The following SLC24A2 variants were observed in gnomAD, a reference collection of about 807,000 sequenced individuals.
The protein encoded by SLC24A2 is sodium/potassium/calcium exchanger 2.
Under a neutral mutation model 62.0 loss-of-function variants are expected in SLC24A2, and 36 were observed. The observed-to-expected ratio is 0.58, with a 90% CI of 0.44 to 0.77. The LOEUF is 0.77. Among genes scored for constraint, SLC24A2 ranks in the 30% least tolerant of loss-of-function variants. SLC24A2 has a pLI of 0.00. For missense variants in SLC24A2, 846 were observed against 817.9 expected (o/e 1.03, Z -0.42); for synonymous variants, 358 against 294.0 (o/e 1.22, Z -2.23).
At chr9:20,068,212 A>C in the SLC24A2 span, among the ~76,000 whole-genome samples, 8,014 of 151,708 alleles carry the variant, frequency 0.053, 224 homozygotes, top group African/African-American at 0.08. Context: ...ACAGGCGCCC[A>C]ACACCACGCC....
chr9:20,172,625 T>C, the SLC24A2 span, among the ~76,000 whole-genome samples: 19 of 151,980 alleles, frequency 1.3e-4, no homozygotes, highest in African/African-American at 4.3e-4. Flanking sequence ...TCTGGAAAGA[T>C]ACAACTCTCC....
the SLC24A2 span, among the ~76,000 whole-genome samples, chr9:20,298,753 C>A: frequency 6.6e-6 from 1 of 152,224 alleles, no homozygotes; most frequent in Non-Finnish European, 1.5e-5. Flanking sequence ...GAAGATACAA[C>A]TACTATCTTC....
At chr9:19,745,158 A>AC (rs1301303508) in intron 2 of SLC24A2, among the ~76,000 whole-genome samples, 2 of 151,856 alleles carry the variant, frequency 1.3e-5, no homozygotes, top group African/African-American at 4.8e-5. Flanking sequence ...CACCTGCTCC[A>AC]CCCCTCTTGC....
chr9:19,796,782 GAGA>G, the SLC24A2 span, among the ~76,000 whole-genome samples: 1 of 151,980 alleles, frequency 6.6e-6, no homozygotes, highest in African/African-American at 2.4e-5. Flanking sequence ...TTTTTCTTTT[GAGA>G]AGATCTTTAA....
At chr9:20,234,883 G>A in the SLC24A2 span, among the ~76,000 whole-genome samples, 94 of 152,078 alleles carry the variant, frequency 6.2e-4, no homozygotes, top group Non-Finnish European at 1.2e-3. Flanking sequence ...TTTGATGATG[G>A]TGACGTACAG....
the SLC24A2 span, among the ~76,000 whole-genome samples, chr9:19,965,972 T>C: frequency 6.6e-6 from 1 of 152,178 alleles, no homozygotes. Flanking sequence ...TGGTAATTAT[T>C]TTACATGAAT....
At chr9:19,524,421 A>AG (rs1833342930) in intron 9 of SLC24A2, among the ~76,000 whole-genome samples, 1 of 148,924 alleles carries the variant, frequency 6.7e-6, no homozygotes. Flanking sequence ...ATAAAGGCAA[A>AG]AAAAAAAAAA....
the SLC24A2 span, among the ~76,000 whole-genome samples, chr9:20,113,468 A>T: frequency 6.6e-6 from 1 of 152,198 alleles, no homozygotes; most frequent in African/African-American, 2.4e-5. Flanking sequence ...GATGATTATT[A>T]TGTTCATTAA....
At chr9:20,303,779 A>G in the SLC24A2 span, among the ~76,000 whole-genome samples, 16 of 152,296 alleles carry the variant, frequency 1.1e-4, 1 homozygote, top group South Asian at 2.9e-3. Context: ...GACACAGGCA[A>G]TGCTTTTCTT....
intron 2 of SLC24A2, among the ~76,000 whole-genome samples, chr9:19,724,652 T>A (rs1821120034): frequency 6.6e-6 from 1 of 152,212 alleles, no homozygotes; most frequent in South Asian, 2.1e-4. Context: ...ATTCAGCTTA[T>A]GCCCAATCTA....
the SLC24A2 span, among the ~76,000 whole-genome samples, chr9:20,270,780 T>C: frequency 1.3e-5 from 2 of 152,234 alleles, no homozygotes; most frequent in Non-Finnish European, 2.9e-5. Context: ...AGTGGAACTT[T>C]GCATAAATTT....
chr9:19,581,715 G>A (rs1202490956), intron 5 of SLC24A2, among the ~76,000 whole-genome samples: 2 of 152,186 alleles, frequency 1.3e-5, no homozygotes, highest in African/African-American at 4.8e-5. Context: ...TGGTGGTAAA[G>A]GGATTGCTCA....
intron 10 of SLC24A2, among the ~76,000 whole-genome samples, chr9:19,517,924 C>G (rs914091487): frequency 7.2e-6 from 1 of 139,216 alleles, no homozygotes; most frequent in Non-Finnish European, 1.5e-5. Flanking sequence ...CACACACACA[C>G]ACACACACAC....
At chr9:20,215,628 G>C in the SLC24A2 span, among the ~76,000 whole-genome samples, 1,481 of 152,202 alleles carry the variant, frequency 9.7e-3, 26 homozygotes, top group African/African-American at 0.033. Flanking sequence ...TATCGCCTTT[G>C]CCAGACCACT....
intron 2 of SLC24A2, among the ~76,000 whole-genome samples, chr9:19,694,277 C>T (rs1203031726): frequency 6.6e-6 from 1 of 152,036 alleles, no homozygotes; most frequent in African/African-American, 2.4e-5. Flanking sequence ...AGTTTAAACG[C>T]TTTAATAAAA....
At chr9:20,186,842 C>T in the SLC24A2 span, among the ~76,000 whole-genome samples, 1 of 152,136 alleles carries the variant, frequency 6.6e-6, no homozygotes, top group Non-Finnish European at 1.5e-5. Flanking sequence ...CATCTTTACC[C>T]TCCAGATTAT....
At chr9:19,762,246 C>A (rs1166157721) in intron 2 of SLC24A2, among the ~76,000 whole-genome samples, 1 of 152,178 alleles carries the variant, frequency 6.6e-6, no homozygotes, top group African/African-American at 2.4e-5. Context: ...CATTTTCTCC[C>A]ATTTTGTAGG....
At chr9:20,303,375 A>C in the SLC24A2 span, among the ~76,000 whole-genome samples, 1 of 152,230 alleles carries the variant, frequency 6.6e-6, no homozygotes, top group Admixed American at 6.5e-5. Flanking sequence ...CCTGTACTTC[A>C]GCCAAGATCT....
chr9:19,597,313 G>T (rs755200300), intron 4 of SLC24A2, 34 bp from the exon 5 acceptor site: 3 of 1,359,836 alleles, frequency 2.2e-6, no homozygotes, highest in Non-Finnish European at 2.1e-6. Context: ...CAAAGATAAG[G>T]AACGAGCTAT....
Sources: allele counts gnomAD v4.1 joint callset (sites outside exome capture counted in the v4.1 genomes callset), GRCh38; gene constraint gnomAD v4.1.1; transcripts MANE v1.5; gene names NCBI Gene and HGNC (gene_info 2026-07-23, HGNC 2026-07-21).